Variants in GLG1 observed in about 807,000 individuals in gnomAD.
The protein encoded by GLG1 is golgi glycoprotein 1.
Under a neutral mutation model 160.5 loss-of-function variants are expected in GLG1, and 38 were observed. The observed-to-expected ratio is 0.24, with a 90% CI of 0.18 to 0.31. The LOEUF (loss-of-function observed/expected upper bound fraction) is 0.31, where lower values mean the gene tolerates loss of function less well. GLG1 is among the 10% of genes least tolerant of loss of function. The probability of loss-of-function intolerance (pLI) is 1.00; values close to 1 mark genes in which losing one functional copy is unlikely to be tolerated. For synonymous variants in GLG1, 644 were observed against 543.4 expected, an observed-to-expected ratio of 1.19 and a Z score of -2.57; for missense variants, 1,373 against 1,505.2, an observed-to-expected ratio of 0.91 and a Z score of 1.45.
Position 74,593,186 on chromosome 16 carries a change from TTC to T in GLG1, c.438+13469_438+13470del, listed in dbSNP as rs554605575. 7.3e-3 allele frequency among the ~76,000 whole-genome samples: 1,110 copies of T among 152,310 alleles called. 5 individuals are homozygous for T. Among genetic ancestry groups the T allele is most frequent in the Non-Finnish European group, 0.012 (796 of 68,032 alleles). ...TTTATATATTACCCAGTCTTGGGTA[TTC>T]TGTTATAGCAACACAAAATGGACTC... On this transcript the variant is annotated intron_variant, in intron 1 of 25. Coordinates refer to ENST00000422840, the MANE Select transcript of GLG1 (RefSeq NM_001145667.2).
intron 1 of GLG1, among the ~76,000 whole-genome samples, chr16:74,564,086 A>T (rs929599105): frequency 6.6e-6 from 1 of 152,028 alleles, no homozygotes; most frequent in Admixed American, 6.6e-5. Context: ...AGGCCCGGCT[A>T]ATTTTTGTAT....
chr16:74,470,411 A>G (rs1402978104), intron 15 of GLG1, among the ~76,000 whole-genome samples: 1 of 127,190 alleles, frequency 7.9e-6, no homozygotes, highest in East Asian at 2.3e-4. Context: ...CCTTCCATCC[A>G]TCCATCCTAA....
Position 74,460,098 on chromosome 16 carries a change from C to T in GLG1, c.3037-309G>A, listed in dbSNP as rs542733479. ...GTACAATGGCACGATCTCGGCTCAC[C>T]GCAACCTCTGCCTCTCATGTTCAAG... On this transcript the variant is annotated intron_variant, in intron 22 of 25. Transcript: ENST00000422840. 4.6e-5 allele frequency among the ~76,000 whole-genome samples: 7 copies of T among 151,260 alleles called. No homozygotes were observed. The East Asian group carries it at 1.2e-3, about 25-fold the overall frequency.
chr16:74,566,404 G>A (rs766587717), intron 1 of GLG1, among the ~76,000 whole-genome samples: 4 of 152,092 alleles, frequency 2.6e-5, no homozygotes, highest in East Asian at 1.9e-4. Context: ...CGGCTTCATC[G>A]TTCCCACAGG....
chr16:74,559,611 C>A (rs893154750), intron 1 of GLG1, among the ~76,000 whole-genome samples: 2 of 152,060 alleles, frequency 1.3e-5, no homozygotes, highest in African/African-American at 4.8e-5. Context: ...GTGAAATATG[C>A]AGATAGTCTT....
chr16:74,602,862 T>C (rs1597390392), intron 1 of GLG1, among the ~76,000 whole-genome samples: 1 of 151,726 alleles, frequency 6.6e-6, no homozygotes, highest in South Asian at 2.1e-4. Context: ...TCTCTACTTC[T>C]GTGTAAGAAA....
chr16:74,562,346 T>C (rs1330162583), intron 1 of GLG1, among the ~76,000 whole-genome samples: 1 of 152,278 alleles, frequency 6.6e-6, no homozygotes, highest in African/African-American at 2.4e-5. Context: ...GGAAGGCCTA[T>C]GCCACTAATA....
At chr16:74,529,158 G>C (rs953898068) in intron 2 of GLG1, among the ~76,000 whole-genome samples, 1 of 151,678 alleles carries the variant, frequency 6.6e-6, no homozygotes, top group Non-Finnish European at 1.5e-5. Context: ...GTAGATATGG[G>C]GTTTTTTACC....
chr16:74,510,015 T>C (rs1472173614), intron 2 of GLG1, among the ~76,000 whole-genome samples: 1 of 144,216 alleles, frequency 6.9e-6, no homozygotes, highest in East Asian at 2.1e-4. Context: ...ACTTGACACA[T>C]ACACTATAAG....
intron 2 of GLG1, among the ~76,000 whole-genome samples, chr16:74,528,031 C>T (rs923595521): frequency 6.6e-6 from 1 of 151,126 alleles, no homozygotes; most frequent in African/African-American, 2.4e-5. Context: ...ACTACAGATG[C>T]CCACCACCAC....
At chr16:74,592,567 T>A (rs1869853915) in intron 1 of GLG1, among the ~76,000 whole-genome samples, 1 of 152,200 alleles carries the variant, frequency 6.6e-6, no homozygotes, top group African/African-American at 2.4e-5. Context: ...TTATCTCGAA[T>A]GATCTCACCT....
chr16:74,495,107 T>A (rs1201227021), intron 5 of GLG1, among the ~76,000 whole-genome samples: 1 of 780 alleles, frequency 1.3e-3, no homozygotes, highest in African/African-American at 1.7e-3. Flanking sequence ...AGTCTGAGTC[T>A]TTTTTTTTTT....
intron 1 of GLG1, among the ~76,000 whole-genome samples, chr16:74,568,233 C>G (rs2018715609): frequency 6.6e-6 from 1 of 152,166 alleles, no homozygotes; most frequent in Admixed American, 6.5e-5. Flanking sequence ...AGCCTGAAGC[C>G]TGTGCTAAAC....
At chr16:74,576,226 GTCTGTGGTGT>G (rs2018999643) in intron 1 of GLG1, among the ~76,000 whole-genome samples, 3 of 151,904 alleles carry the variant, frequency 2.0e-5, no homozygotes, top group African/African-American at 7.3e-5. Flanking sequence ...ACTATTTTAA[GTCTGTGGTGT>G]CATACATACA....
chr16:74,463,658 C>T (rs1225160528), intron 19 of GLG1, among the ~76,000 whole-genome samples, 179 bp from the exon 20 acceptor site: 1 of 152,156 alleles, frequency 6.6e-6, no homozygotes, highest in Non-Finnish European at 1.5e-5. Context: ...CCTGCTTCAG[C>T]CTCCCAAGTC....
At chr16:74,601,489 T>C (rs1341103072) in intron 1 of GLG1, among the ~76,000 whole-genome samples, 1 of 152,114 alleles carries the variant, frequency 6.6e-6, no homozygotes, top group African/African-American at 2.4e-5. Context: ...GAGAAAATGC[T>C]TACAGTCATT....
chr16:74,471,693 G>A (rs746835330), intron 14 of GLG1, among the ~76,000 whole-genome samples: 1 of 152,086 alleles, frequency 6.6e-6, no homozygotes, highest in Non-Finnish European at 1.5e-5. Context: ...TTGGAAGAAG[G>A]AGCCACTATT....
chr16:74,458,814 G>C (rs2014664552), intron 23 of GLG1, among the ~76,000 whole-genome samples: 1 of 152,216 alleles, frequency 6.6e-6, no homozygotes, highest in Non-Finnish European at 1.5e-5. Context: ...ATTCTTATTT[G>C]TGTTTACAGA....
chr16:74,470,746 C>T (rs983246670), intron 15 of GLG1, among the ~76,000 whole-genome samples: 6 of 151,772 alleles, frequency 4.0e-5, no homozygotes, highest in African/African-American at 1.5e-4. Flanking sequence ...CCATGCCCGG[C>T]TGGAAAAAAT....
Sources: allele counts gnomAD v4.1 joint callset (sites outside exome capture counted in the v4.1 genomes callset), GRCh38; gene constraint gnomAD v4.1.1; transcripts MANE v1.5; gene names NCBI Gene and HGNC (gene_info 2026-07-23, HGNC 2026-07-21).